Variants in SLC44A5 observed in about 807,000 individuals in gnomAD.
SLC44A5 encodes the protein solute carrier family 44 member 5.
Under a neutral mutation model 101.8 loss-of-function variants are expected in SLC44A5, and 57 were observed. The observed-to-expected ratio is 0.56, with a 90% CI of 0.45 to 0.70. SLC44A5 has a LOEUF of 0.70. Ranked by LOEUF, SLC44A5 falls within the 30% of genes least tolerant of loss-of-function variation. SLC44A5 has a pLI of 0.00. For missense variants in SLC44A5, 737 were observed against 853.1 expected, an observed-to-expected ratio of 0.86 and a Z score of 1.70; for synonymous variants, 281 against 290.9, an observed-to-expected ratio of 0.97 and a Z score of 0.35.
intron 5 of SLC44A5, among the ~76,000 whole-genome samples, chr1:75,277,141 T>G (rs1651988717): frequency 6.6e-6 from 1 of 152,162 alleles, no homozygotes; most frequent in African/African-American, 2.4e-5. Flanking sequence ...AGAATAAGGT[T>G]TGTAGAAGGT....
At chr1:75,252,886 C>T (rs1649701239) in intron 6 of SLC44A5, among the ~76,000 whole-genome samples, 3 of 152,280 alleles carry the variant, frequency 2.0e-5, no homozygotes, top group African/African-American at 7.2e-5. Flanking sequence ...GGAGGTGAAT[C>T]ACCAGGGATG....
In SLC44A5 at chr1:75,576,537, C is replaced by G. The variant is rs1423692336; in HGVS notation, c.-70+34503G>C. ...GTTTCACCGTGTTAGCCAGGATGGT[C>G]TCGATCTCCTGACCTCGTGATCCGT... On this transcript the variant is annotated intron_variant, in intron 1 of 23. Transcript: ENST00000370859. Among the ~76,000 whole-genome samples the G allele has an allele frequency of 8.5e-5, 13 of 152,124 alleles. No homozygotes were observed. The East Asian group carries it at 1.4e-3, about 16-fold the overall frequency.
chr1:75,682,159 C>T, the SLC44A5 span, among the ~76,000 whole-genome samples: 16 of 152,112 alleles, frequency 1.1e-4, no homozygotes, highest in Non-Finnish European at 1.9e-4. Flanking sequence ...GAATCAATAT[C>T]GTGAAAATGG....
chr1:75,611,859 T>C (rs1471040575), upstream of SLC44A5, among the ~76,000 whole-genome samples: 1 of 151,940 alleles, frequency 6.6e-6, no homozygotes, highest in Non-Finnish European at 1.5e-5. Flanking sequence ...TGTGGACCCC[T>C]TTCTGTTATC....
chr1:75,350,590 A>G (rs1658570387), intron 3 of SLC44A5, among the ~76,000 whole-genome samples: 1 of 151,344 alleles, frequency 6.6e-6, no homozygotes, highest in Admixed American at 6.6e-5. Flanking sequence ...TACAAAAAAC[A>G]AGGATAGAAA....
the SLC44A5 span, among the ~76,000 whole-genome samples, chr1:75,629,795 A>G: frequency 6.6e-6 from 1 of 152,222 alleles, no homozygotes; most frequent in Non-Finnish European, 1.5e-5. Context: ...CCAGTGCTTC[A>G]TGATATAAAA....
chr1:75,370,182 G>T (rs1557710925), intron 3 of SLC44A5, among the ~76,000 whole-genome samples: 1 of 152,230 alleles, frequency 6.6e-6, no homozygotes, highest in Non-Finnish European at 1.5e-5. Flanking sequence ...TAATATTCTA[G>T]ACTTTGGTTC....
At chr1:75,363,722 T>A (rs963472087) in intron 3 of SLC44A5, among the ~76,000 whole-genome samples, 13 of 152,294 alleles carry the variant, frequency 8.5e-5, no homozygotes, top group South Asian at 4.1e-4. Context: ...CCTTACAATA[T>A]CAGAATATTT....
chr1:75,635,208 G>T, the SLC44A5 span, among the ~76,000 whole-genome samples: 2 of 151,414 alleles, frequency 1.3e-5, no homozygotes, highest in Non-Finnish European at 2.9e-5. Context: ...TACACTGTTG[G>T]TGGGACTGTA....
chr1:75,611,016 C>T (rs957249595), intron 1 of SLC44A5, 24 bp downstream of exon 1: 2 of 978,408 alleles, frequency 2.0e-6, no homozygotes, highest in South Asian at 4.7e-5. Context: ...ACATAGACTT[C>T]TTGCATTTAG....
chr1:75,325,149 G>C (rs1222194673), intron 4 of SLC44A5, among the ~76,000 whole-genome samples: 1 of 152,130 alleles, frequency 6.6e-6, no homozygotes, highest in East Asian at 1.9e-4. Context: ...GACAAGAGGG[G>C]AACTGATTCT....
the SLC44A5 span, among the ~76,000 whole-genome samples, chr1:75,698,322 C>T: frequency 6.6e-6 from 1 of 152,186 alleles, no homozygotes; most frequent in African/African-American, 2.4e-5. Context: ...GGACAGACTG[C>T]CTCCTCAAGT....
the SLC44A5 span, among the ~76,000 whole-genome samples, chr1:75,673,374 G>A: frequency 6.6e-6 from 1 of 152,082 alleles, no homozygotes; most frequent in Non-Finnish European, 1.5e-5. Context: ...TTTCTCTTGT[G>A]GCTTGGGTTC....
At chr1:75,262,903 T>C (rs1570505677) in intron 6 of SLC44A5, among the ~76,000 whole-genome samples, 2 of 152,162 alleles carry the variant, frequency 1.3e-5, no homozygotes, top group South Asian at 4.1e-4. Context: ...ATTTAATAAA[T>C]GGTGTTGGGA....
At chr1:75,459,166 G>A (rs1053635244) in intron 2 of SLC44A5, among the ~76,000 whole-genome samples, 2 of 152,088 alleles carry the variant, frequency 1.3e-5, no homozygotes, top group African/African-American at 4.8e-5. Flanking sequence ...AGAGTCACAA[G>A]GACGTCTGCT....
chr1:75,586,386 T>TG (rs59596511), intron 1 of SLC44A5, among the ~76,000 whole-genome samples: 23,118 of 151,474 alleles, frequency 0.15, 1,964 homozygotes, highest in Admixed American at 0.23. Context: ...TGTGTGTGTG[T>TG]TTGTGTGTAT....
chr1:75,445,085 T>C (rs1364556507), intron 2 of SLC44A5, among the ~76,000 whole-genome samples: 3 of 152,168 alleles, frequency 2.0e-5, no homozygotes, highest in African/African-American at 4.8e-5. Flanking sequence ...ATTTGTCCAC[T>C]CCAAATCTCA....
chr1:75,366,232 G>A (rs542272356), intron 3 of SLC44A5, among the ~76,000 whole-genome samples: 1 of 152,266 alleles, frequency 6.6e-6, no homozygotes, highest in African/African-American at 2.4e-5. Context: ...TGGTGATGAA[G>A]TCCCTCAGCT....
chr1:75,439,577 G>A (rs1283642644), intron 2 of SLC44A5, among the ~76,000 whole-genome samples: 2 of 151,866 alleles, frequency 1.3e-5, no homozygotes, highest in African/African-American at 4.8e-5. Context: ...CTCAATGGTT[G>A]AAATAACAAC....
Sources: allele counts gnomAD v4.1 joint callset (sites outside exome capture counted in the v4.1 genomes callset), GRCh38; gene constraint gnomAD v4.1.1; transcripts MANE v1.5; gene names NCBI Gene and HGNC (gene_info 2026-07-23, HGNC 2026-07-21).